C10orf90: variants seen among roughly 807,000 people sequenced by gnomAD.
C10orf90 encodes (E2-independent) E3 ubiquitin-conjugating enzyme FATS.
A neutral mutation model predicts 62.5 loss-of-function variants in C10orf90; 56 were observed. That is an observed-to-expected ratio of 0.90 (90% CI 0.72 to 1.12). The LOEUF is 1.12. C10orf90 is among the 50% of genes most tolerant of loss of function. The pLI is 0.00. For missense variants in C10orf90, 970 were observed against 880.4 expected (o/e 1.10, Z -1.29); for synonymous variants, 386 against 340.4 (o/e 1.13, Z -1.47).
chr10:126,627,000 C>CTTTTTTTTTTTTTTT (rs61226052), intron 2 of C10orf90, among the ~76,000 whole-genome samples: 18 of 119,496 alleles, frequency 1.5e-4, no homozygotes, highest in Non-Finnish European at 1.9e-4. Flanking sequence ...TTTTTCTTTT[C>CTTTTTTTTTTTTTTT]TTTTTTTTTT....
intron 3 of C10orf90, among the ~76,000 whole-genome samples, chr10:126,506,453 C>G (rs1334068559): frequency 1.3e-5 from 2 of 152,238 alleles, no homozygotes; most frequent in Non-Finnish European, 2.9e-5. Context: ...CGCTAAGCTC[C>G]CACTGCTTGC....
At chr10:126,591,073 C>A (rs1844969582) in intron 2 of C10orf90, among the ~76,000 whole-genome samples, 1 of 151,926 alleles carries the variant, frequency 6.6e-6, no homozygotes, top group Non-Finnish European at 1.5e-5. Flanking sequence ...ACCAAAAAAA[C>A]AGCCCAGGAC....
intron 4 of C10orf90, among the ~76,000 whole-genome samples, chr10:126,498,581 G>A (rs564099421): frequency 5.3e-5 from 8 of 152,286 alleles, no homozygotes; most frequent in South Asian, 4.1e-4. Flanking sequence ...CCATTCAGCA[G>A]TGTGATGGAC....
intron 1 of C10orf90, among the ~76,000 whole-genome samples, chr10:126,663,058 T>C (rs1300836912): frequency 1.3e-5 from 2 of 152,180 alleles, no homozygotes; most frequent in Admixed American, 1.3e-4. Context: ...GCCCAGGTGT[T>C]TCCTCTTTAA....
chr10:126,461,568 C>T lies in C10orf90; in HGVS notation c.1843G>A (p.Asp615Asn), dbSNP rs1295058988. ...CATTCCTTTATTTTTACAACCAAGTCACAGCATGTGTAATCTCCTAGGAGA... is the reference window on the plus strand; with the variant it reads ...CATTCCTTTATTTTTACAACCAAGTTACAGCATGTGTAATCTCCTAGGAGA... Reference protein sequence around the residue: ...KFPKGDYTCCDLVVKIKECKK... With the variant: ...KFPKGDYTCCNLVVKIKECKK... The change falls in exon 6 of 10, where the codon GAC becomes AAC. Residue 615 changes from aspartate (D) to asparagine (N), a missense_variant. Coordinates refer to ENST00000488181, the MANE Select transcript of C10orf90 (RefSeq NM_001350921.2). 6.2e-7 allele frequency: 1 copy of T among 1,613,832 alleles called. No homozygotes were observed. Among genetic ancestry groups the T allele is most frequent in the Admixed American group, 1.7e-5 (1 of 59,978 alleles).
At chr10:126,563,638 G>A (rs1281820819) in intron 2 of C10orf90, among the ~76,000 whole-genome samples, 1 of 152,200 alleles carries the variant, frequency 6.6e-6, no homozygotes, top group Non-Finnish European at 1.5e-5. Context: ...GCTATGATGA[G>A]CAAATATCCT....
At chr10:126,635,454 G>A (rs1042029957) in intron 2 of C10orf90, among the ~76,000 whole-genome samples, 1 of 152,148 alleles carries the variant, frequency 6.6e-6, no homozygotes, top group Non-Finnish European at 1.5e-5. Context: ...ACATTCGTGA[G>A]AGCCATAAAA....
chr10:126,613,731 A>G (rs1222512667), intron 2 of C10orf90, among the ~76,000 whole-genome samples: 1 of 152,238 alleles, frequency 6.6e-6, no homozygotes, highest in Non-Finnish European at 1.5e-5. Context: ...CTCAATTAGA[A>G]TAAATCAAAT....
In C10orf90 at chr10:126,461,430, G is replaced by T; in HGVS notation, c.1981C>A (p.Gln661Lys). The change falls in exon 6 of 10, where the codon CAA becomes AAA. Residue 661 changes from glutamine (Q) to lysine (K), a missense_variant. By Grantham distance (53) the Gln-to-Lys change is moderately conservative. Transcript: ENST00000488181. ...GLSEDCSESQ[Q>K]TPARSLTLQE... is the part of the protein sequence containing the mutation. ...AAGGTCAAAGATCTTGCAGGCGTTT[G>T]CTGAGACTCAGAACAGTCTTCGGAC... 6.2e-7 allele frequency: 1 copy of T among 1,614,124 alleles called. No individual in the cohort carries two copies. The highest frequency in any genetic ancestry group is 8.5e-7 in the Non-Finnish European group (1 of 1,179,992).
intron 2 of C10orf90, among the ~76,000 whole-genome samples, chr10:126,630,930 C>T (rs11245072): frequency 0.019 from 2,964 of 152,276 alleles, 94 homozygotes; most frequent in African/African-American, 0.068. Context: ...GTGTTTCCAG[C>T]GTTCACTCCT....
At chr10:126,618,860 G>T (rs996151570) in intron 2 of C10orf90, among the ~76,000 whole-genome samples, 3 of 152,108 alleles carry the variant, frequency 2.0e-5, no homozygotes, top group Admixed American at 6.5e-5. Flanking sequence ...ATAAAGGAAA[G>T]CATACAGTTT....
At chr10:126,668,505 ATG>A (rs1261148032) in intron 1 of C10orf90, among the ~76,000 whole-genome samples, 1 of 152,246 alleles carries the variant, frequency 6.6e-6, no homozygotes, top group Non-Finnish European at 1.5e-5. Context: ...TAATGCTGAG[ATG>A]TCATGGTAGG....
chr10:126,445,826 T>TAC lies in C10orf90; in HGVS notation c.2188+13212_2188+13213dup, dbSNP rs141853305. 5.3e-3 allele frequency among the ~76,000 whole-genome samples: 764 copies of TAC among 144,790 alleles called. 18 individuals are homozygous for TAC. Among genetic ancestry groups the TAC allele is most frequent in the African/African-American group, 0.017 (654 of 39,234 alleles). The allele number at this position is 144,790 out of a possible 152,430, so 95.0% of individuals were successfully genotyped here. On this transcript the variant is annotated intron_variant, in intron 7 of 9. Transcript: ENST00000488181. ...TGGTGTATATATATATATATATATA[T>TAC]ACAATGGAATACTACTCAGCCATAA...
chr10:126,505,998 A>T (rs1344535263), intron 3 of C10orf90, among the ~76,000 whole-genome samples: 1 of 152,152 alleles, frequency 6.6e-6, no homozygotes, highest in Non-Finnish European at 1.5e-5. Flanking sequence ...AAAAAATCAA[A>T]TGCCCACGTT....
intron 1 of C10orf90, among the ~76,000 whole-genome samples, chr10:126,653,787 A>T (rs1041320038): frequency 2.0e-5 from 3 of 152,222 alleles, no homozygotes; most frequent in African/African-American, 7.2e-5. Flanking sequence ...TGGCAGCTAT[A>T]GCCTTAGGAA....
intron 4 of C10orf90, among the ~76,000 whole-genome samples, chr10:126,465,369 T>C (rs189057049): frequency 4.5e-4 from 69 of 151,734 alleles, no homozygotes; most frequent in African/African-American, 1.4e-3. Context: ...ATTATTTAGG[T>C]TTCTGTAATC....
At chr10:126,464,631 G>A in intron 5 of C10orf90, 65 bp downstream of exon 5, 1 of 1,500,252 alleles carries the variant, frequency 6.7e-7, no homozygotes, top group Admixed American at 1.9e-5. Context: ...GTCCAGGTAG[G>A]CAATCAACAA....
chr10:126,502,432 C>T lies in C10orf90; in HGVS notation c.1534+1525G>A, dbSNP rs1862457984. Among the ~76,000 whole-genome samples the T allele has an allele frequency of 2.0e-5, 3 of 152,114 alleles. No individual in the cohort carries two copies. In the South Asian group the frequency reaches 6.2e-4, roughly 32 times the overall value. ...ATGCAGAATAAATTTATACTATTTG[C>T]CTAAGATAATCCCTTAGAGGAGCAG... is the stretch of plus-strand genomic sequence containing the variant. On this transcript the variant is annotated intron_variant, in intron 4 of 9. Transcript: ENST00000488181.
intron 4 of C10orf90, among the ~76,000 whole-genome samples, chr10:126,486,909 A>T (rs1861463056): frequency 6.6e-6 from 1 of 152,106 alleles, no homozygotes; most frequent in East Asian, 1.9e-4. Flanking sequence ...TTGGGAGGCC[A>T]AGGGGGGTGG....
Sources: allele counts gnomAD v4.1 joint callset (sites outside exome capture counted in the v4.1 genomes callset), GRCh38; gene constraint gnomAD v4.1.1; transcripts MANE v1.5; gene names NCBI Gene and HGNC (gene_info 2026-07-23, HGNC 2026-07-21).